The following CFAP77 variants were observed in gnomAD, a reference collection of about 807,000 sequenced individuals.
The protein encoded by CFAP77 is cilia- and flagella-associated protein 77.
Under a neutral mutation model 31.1 loss-of-function variants are expected in CFAP77, and 25 were observed. The ratio of observed to expected loss-of-function variants is 0.80; its 90% confidence interval spans 0.59 to 1.12. The LOEUF is 1.12. Ranked by LOEUF, CFAP77 falls within the 50% of genes most tolerant of loss-of-function variation. The pLI is 0.00. For missense variants in CFAP77, 377 were observed against 397.3 expected (o/e 0.95, Z 0.44); for synonymous variants, 151 against 159.9 (o/e 0.94, Z 0.42).
chr9:132,453,977 A>C (rs945639838), intron 1 of CFAP77, among the ~76,000 whole-genome samples: 1 of 152,238 alleles, frequency 6.6e-6, no homozygotes, highest in African/African-American at 2.4e-5. Flanking sequence ...AATAAATTAC[A>C]GTCCTAATAA....
In CFAP77 at chr9:132,486,028, ATATATATATATATG is replaced by A. The variant is rs1421055156; in HGVS notation, c.196-12663_196-12650del. On this transcript the variant is annotated intron_variant, in intron 1 of 5. Coordinates refer to ENST00000393216, the MANE Select transcript of CFAP77 (RefSeq NM_001282957.2). The stretch of plus-strand genomic sequence containing the variant: ...TATATATATATATATATATATATAT[ATATATATATATATG>A]TATGTATATGTATGTGTGTGTGTGT... Among the ~76,000 whole-genome samples, 44 of 24,140 alleles carry A rather than the reference ATATATATATATATG, an allele frequency of 1.8e-3. 2 individuals carry two copies. Among genetic ancestry groups the A allele is most frequent in the African/African-American group, 5.0e-3 (17 of 3,374 alleles). 15.8% of individuals were successfully genotyped at this position (24,140 alleles called of 152,430 possible). A position where few individuals can be genotyped will look rare whatever the true frequency, so the allele number is the denominator to read the frequency against.
intron 5 of CFAP77, among the ~76,000 whole-genome samples, chr9:132,550,634 C>T (rs1017870260): frequency 5.3e-5 from 8 of 150,326 alleles, no homozygotes; most frequent in African/African-American, 2.0e-4. Context: ...AAGTGATTCT[C>T]CTACCCCAGC....
intron 1 of CFAP77, among the ~76,000 whole-genome samples, chr9:132,492,387 C>T (rs926612167): frequency 2.6e-5 from 4 of 151,796 alleles, no homozygotes; most frequent in Non-Finnish European, 4.4e-5. Flanking sequence ...TGCTGTGCAC[C>T]GTTGTGTGGG....
chr9:132,441,167 A>C (rs905108560), intron 1 of CFAP77, among the ~76,000 whole-genome samples: 7 of 152,138 alleles, frequency 4.6e-5, no homozygotes, highest in African/African-American at 1.4e-4. Context: ...ATTTCACCCC[A>C]CAAATCTGTC....
Position 132,454,134 on chromosome 9 carries a change from C to G in CFAP77, c.195+43668C>G, listed in dbSNP as rs191543597. On this transcript the variant is annotated intron_variant, in intron 1 of 5. Coordinates refer to ENST00000393216, the MANE Select transcript of CFAP77 (RefSeq NM_001282957.2). ...TGTGTTTTGTATGCAATAAACTCTG[C>G]CATTGTACTTCTTGGCTAAGCAGAG... Among the ~76,000 whole-genome samples the G allele has an allele frequency of 2.3e-3, 349 of 151,676 alleles. 1 individual carries two copies. Among genetic ancestry groups the G allele is most frequent in the Non-Finnish European group, 3.4e-3 (228 of 67,954 alleles).
intron 1 of CFAP77, among the ~76,000 whole-genome samples, chr9:132,457,067 C>T (rs1850930246): frequency 6.6e-6 from 1 of 152,242 alleles, no homozygotes; most frequent in South Asian, 2.1e-4. Context: ...ATGACTGGCC[C>T]CTACTGGGAC....
intron 1 of CFAP77, among the ~76,000 whole-genome samples, chr9:132,412,200 T>C (rs546879170): frequency 4.5e-4 from 68 of 152,264 alleles, no homozygotes; most frequent in African/African-American, 1.6e-3. Flanking sequence ...TGGGGTTCTG[T>C]CTTCAGGGCA....
chr9:132,487,680 G>A (rs12336358), intron 1 of CFAP77, among the ~76,000 whole-genome samples: 76 of 137,938 alleles, frequency 5.5e-4, no homozygotes, highest in Admixed American at 1.9e-3. Flanking sequence ...TACTTTATAC[G>A]CCTTTGATCA....
chr9:132,482,323 C>T, intron 1 of CFAP77: 1 of 1,613,584 alleles, frequency 6.2e-7, no homozygotes, highest in Non-Finnish European at 8.5e-7. Context: ...GCCGGCCCGG[C>T]CTCGGTGGGA....
In CFAP77 at chr9:132,486,068, A is replaced by G. The variant is rs1230481344; in HGVS notation, c.196-12627A>G. Among the ~76,000 whole-genome samples the G allele has an allele frequency of 0.015, 74 of 4,900 alleles. 13 individuals carry two copies. The East Asian group carries it at 0.36, about 24-fold the overall frequency. The allele number at this position is 4,900 out of a possible 152,430, so 3.2% of individuals were successfully genotyped here. A position where few individuals can be genotyped will look rare whatever the true frequency, so the allele number is the denominator to read the frequency against. On this transcript the variant is annotated intron_variant, in intron 1 of 5. Transcript: ENST00000393216. ...TATGTATATGTATGTGTGTGTGTGTATATATATATATATATATATATATTT... is the reference window on the plus strand; with the variant it reads ...TATGTATATGTATGTGTGTGTGTGTGTATATATATATATATATATATATTT...
rs1253259399 is a variant in CFAP77, at chr9:132,522,907, G to A, written c.525-14694G>A. Among the ~76,000 whole-genome samples the A allele has an allele frequency of 2.0e-5, 3 of 152,204 alleles. No homozygotes were observed. The South Asian group carries it at 6.2e-4, about 32-fold the overall frequency. ...ATTCATCACCCTCACCACCGGCCAC[G>A]CGGCCTCAGCCAACTCTCAGGAGTC... On this transcript the variant is annotated intron_variant, in intron 3 of 5. Transcript: ENST00000393216.
intron 1 of CFAP77, among the ~76,000 whole-genome samples, chr9:132,493,862 C>CCTTT (rs552749437): frequency 6.6e-6 from 1 of 151,142 alleles, no homozygotes; most frequent in African/African-American, 2.4e-5. Flanking sequence ...CTTTTCTTTT[C>CCTTT]TCTTTTCTTT....
intron 1 of CFAP77, among the ~76,000 whole-genome samples, chr9:132,465,087 A>AG (rs1479355571): frequency 1.4e-5 from 2 of 146,366 alleles, no homozygotes; most frequent in Non-Finnish European, 1.5e-5. Flanking sequence ...AAAAAAAAAA[A>AG]AAAAAAGAAA....
At chr9:132,438,279 T>C (rs1850545675) in intron 1 of CFAP77, among the ~76,000 whole-genome samples, 2 of 150,998 alleles carry the variant, frequency 1.3e-5, no homozygotes, top group Admixed American at 6.6e-5. Context: ...ATTGTCTTTA[T>C]ATAACTTAAA....
intron 1 of CFAP77, among the ~76,000 whole-genome samples, chr9:132,486,018 A>ATATATATATGTATGTG (rs1554742550): frequency 8.0e-5 from 3 of 37,560 alleles, no homozygotes; most frequent in Non-Finnish European, 1.3e-4. Flanking sequence ...ATATATATAT[A>ATATATATATGTATGTG]TATATATATA....
In CFAP77 at chr9:132,443,097, T is replaced by G. The variant is rs1371477823; in HGVS notation, c.195+32631T>G. On this transcript the variant is annotated intron_variant, in intron 1 of 5. Coordinates refer to ENST00000393216, the MANE Select transcript of CFAP77 (RefSeq NM_001282957.2). ...TTTTTGTGTTAGGGTTTTTAACATGTTTTTAAGGTTCATCCATGTCGCAGC... is the reference window on the plus strand; with the variant it reads ...TTTTTGTGTTAGGGTTTTTAACATGGTTTTAAGGTTCATCCATGTCGCAGC... 3.3e-5 allele frequency among the ~76,000 whole-genome samples: 5 copies of G among 152,188 alleles called. No individual in the cohort carries two copies. In the East Asian group the frequency reaches 9.6e-4, roughly 29 times the overall value.
intron 5 of CFAP77, among the ~76,000 whole-genome samples, chr9:132,556,912 C>T (rs1589924568): frequency 6.6e-6 from 1 of 152,158 alleles, no homozygotes; most frequent in South Asian, 2.1e-4. Context: ...TGACACAAAA[C>T]GGAAGGCCCC....
In CFAP77 at chr9:132,572,469, C is replaced by A. The variant is rs199991031; in HGVS notation, c.814C>A (p.Arg272Ser). The A allele has an allele frequency of 1.9e-6, 3 of 1,610,466 alleles. No homozygotes were observed. Among genetic ancestry groups the A allele is most frequent in the Non-Finnish European group, 2.5e-6 (3 of 1,179,928 alleles). ...LKAHREECAVRQGTLRMGNYT... is the reference protein window; with the variant it reads ...LKAHREECAVSQGTLRMGNYT... ...AGCCCACCGGGAAGAGTGTGCCGTGCGCCAGGGGACCCTGCGGATGGGCAA... is the reference window on the plus strand; with the variant it reads ...AGCCCACCGGGAAGAGTGTGCCGTGAGCCAGGGGACCCTGCGGATGGGCAA... Residue 272 changes from arginine (R) to serine (S), a missense_variant, in exon 6 of 6, where the codon CGC (arginine) becomes AGC (serine). By Grantham distance (110) the Arg-to-Ser change is moderately radical. Coordinates refer to ENST00000393216, the MANE Select transcript of CFAP77 (RefSeq NM_001282957.2).
chr9:132,485,985 CATATATATATATATATATATAT>C (rs61265124), intron 1 of CFAP77, among the ~76,000 whole-genome samples: 39 of 53,574 alleles, frequency 7.3e-4, no homozygotes, highest in South Asian at 2.7e-3. Flanking sequence ...ACACACACCT[CATATATATATATATATATATAT>C]ATATATATAT....
Sources: gnomAD v4.1 joint callset for allele counts (sites outside exome capture counted in the v4.1 genomes callset) on GRCh38, gnomAD v4.1.1 for gene constraint, MANE v1.5 for transcripts, NCBI Gene and HGNC (gene_info 2026-07-23, HGNC 2026-07-21) for gene names.